TMCO4: variants seen among roughly 807,000 people sequenced by gnomAD.
TMCO4 encodes the protein transmembrane and coiled-coil domain-containing protein 4.
TMCO4 carries 58 observed loss-of-function variants against 64.7 expected under a neutral mutation model. That is an observed-to-expected ratio of 0.90 (90% CI 0.73 to 1.12). The LOEUF is 1.12. TMCO4 is among the 50% of genes most tolerant of loss of function. The pLI is 0.00. For synonymous variants in TMCO4, 325 were observed against 346.1 expected, an observed-to-expected ratio of 0.94 and a Z score of 0.68; for missense variants, 780 against 825.9, an observed-to-expected ratio of 0.94 and a Z score of 0.68.
rs116505181 is a variant in TMCO4 at position 19,721,996 on chromosome 1, T to C, written c.1264+15376A>G. On this transcript the variant is annotated intron_variant, in intron 13 of 15. Coordinates refer to ENST00000294543, the MANE Select transcript of TMCO4 (RefSeq NM_181719.7). ...CTTAACAGATTCTCTGGGCAGGGCT[T>C]GATGTTTCACAATTTACAAGCAACT... 5.3e-3 allele frequency among the ~76,000 whole-genome samples: 807 copies of C among 152,276 alleles called. 4 individuals are homozygous for C. Among genetic ancestry groups the C allele is most frequent in the African/African-American group, 0.018 (759 of 41,550 alleles).
rs940144642 is a variant in TMCO4, at chr1:19,755,559, G to A, written c.515+75C>T. ...ACTACACCATCTCTTAAAGGGAGAA[G>A]GGGACTCTGTTATCTGCAAAGTACA... On this transcript the variant is annotated intron_variant, in intron 7 of 15. Coordinates refer to ENST00000294543, the MANE Select transcript of TMCO4 (RefSeq NM_181719.7). 4.4e-6 allele frequency: 7 copies of A among 1,585,340 alleles called. No homozygotes were observed. In the African/African-American group the frequency reaches 8.1e-5, roughly 18 times the overall value.
chr1:19,734,331 G>A lies in TMCO4; in HGVS notation c.1264+3041C>T, dbSNP rs1393701525. On this transcript the variant is annotated intron_variant, in intron 13 of 15. Transcript: ENST00000294543. This position sits in a 1 kb window ranked among gnomAD's most constrained non-coding sequence, Gnocchi z 4.4. ...GCATTAGAGGCCCTTGGGGTCTGCC[G>A]AGTTGCTGCCGTGTGAGTGTGTGCA... Among the ~76,000 whole-genome samples the A allele has an allele frequency of 2.6e-5, 4 of 151,990 alleles. No individual in the cohort carries two copies. The highest frequency in any genetic ancestry group is 4.4e-5 in the Non-Finnish European group (3 of 68,024).
intron 14 of TMCO4, 124 bp downstream of exon 14, chr1:19,700,644 C>T (rs982687629): frequency 7.4e-6 from 7 of 942,834 alleles, no homozygotes; most frequent in African/African-American, 3.3e-5. Flanking sequence ...GGTGCCCGGC[C>T]GGTTCCTGGG....
Position 19,772,335 on chromosome 1 carries a change from A to G in TMCO4, c.180-853T>C, listed in dbSNP as rs187181161. On this transcript the variant is annotated intron_variant, in intron 4 of 15. Transcript: ENST00000294543. ...TTTCTGGAAAACGCTGGCTGCTGCA[A>G]AAGTGGAAGAAGTGAAGGGAAGAGT... 4.2e-3 allele frequency among the ~76,000 whole-genome samples: 632 copies of G among 152,288 alleles called. 7 individuals are homozygous for G. In the South Asian group the frequency reaches 0.045, roughly 11 times the overall value.
In TMCO4 at chr1:19,683,036, G is replaced by A. The variant is rs2095114305; in HGVS notation, c.*4C>T. The stretch of plus-strand genomic sequence containing the variant: ...GGGAAGACGGCTCAGGTCCCCTGCT[G>A]TGGTCAGTCCAGCCCCGTGCTGGGG... On this transcript the variant is annotated 3_prime_UTR_variant, in exon 16 of 16. Transcript: ENST00000294543. 2 of 1,555,692 alleles carry A rather than the reference G, an allele frequency of 1.3e-6. No individual in the cohort carries two copies. The highest frequency in any genetic ancestry group is 4.0e-5 in the Admixed American group (2 of 49,734).
At chr1:19,704,657 C>A (rs772052804) in intron 13 of TMCO4, among the ~76,000 whole-genome samples, 5 of 152,248 alleles carry the variant, frequency 3.3e-5, no homozygotes, top group African/African-American at 1.2e-4. Context: ...AGAGTCTGCC[C>A]TGCTAAGAGC....
intron 15 of TMCO4, among the ~76,000 whole-genome samples, chr1:19,686,650 G>A (rs1016438815): frequency 2.6e-4 from 40 of 152,312 alleles, no homozygotes; most frequent in African/African-American, 9.4e-4. Flanking sequence ...CAGGGTGGTT[G>A]TCAAGGCACA....
intron 2 of TMCO4, among the ~76,000 whole-genome samples, chr1:19,796,147 T>C (rs2044295934): frequency 1.3e-5 from 2 of 152,212 alleles, no homozygotes; most frequent in African/African-American, 2.4e-5. Context: ...AACAACCTTA[T>C]GAAGAAGAGA....
intron 13 of TMCO4, among the ~76,000 whole-genome samples, chr1:19,715,059 T>A (rs1056804625): frequency 6.6e-6 from 1 of 152,048 alleles, no homozygotes; most frequent in Non-Finnish European, 1.5e-5. Flanking sequence ...CTGGGCAATG[T>A]AGGAAGTCCC....
chr1:19,757,320 CT>C (rs2042308091), intron 6 of TMCO4, among the ~76,000 whole-genome samples: 1 of 152,176 alleles, frequency 6.6e-6, no homozygotes, highest in Non-Finnish European at 1.5e-5. Flanking sequence ...TTTTCCCAGC[CT>C]GCTTTCCTTG....
chr1:19,689,499 G>GT (rs1557449632), intron 15 of TMCO4, among the ~76,000 whole-genome samples: 1 of 152,116 alleles, frequency 6.6e-6, no homozygotes, highest in Non-Finnish European at 1.5e-5. Flanking sequence ...GAAGTTAGGC[G>GT]TTTCCACCAT....
At chr1:19,742,374 G>A (rs1021411856) in intron 10 of TMCO4, among the ~76,000 whole-genome samples, 2 of 152,222 alleles carry the variant, frequency 1.3e-5, no homozygotes, top group Non-Finnish European at 2.9e-5. Context: ...ATGTGGGAAT[G>A]GAGGGGTGGA....
chr1:19,702,500 C>A (rs948067875), intron 13 of TMCO4, among the ~76,000 whole-genome samples: 1 of 152,068 alleles, frequency 6.6e-6, no homozygotes, highest in Non-Finnish European at 1.5e-5. Context: ...GAGGCTGAGG[C>A]GCGAAAATTG....
chr1:19,719,803 G>A (rs1278657585), intron 13 of TMCO4, among the ~76,000 whole-genome samples: 1 of 152,032 alleles, frequency 6.6e-6, no homozygotes, highest in African/African-American at 2.4e-5. Context: ...GACCAGCCTG[G>A]CTAACATGGC....
rs554202425 is a variant in TMCO4 at position 19,700,804 on chromosome 1, T to G, written c.1346A>C (p.Lys449Thr). ...GTTGATGATCCTCCCGGACACCACC[T>G]TCCGGAAAGGCTCCCAATGCTTGGC... The part of the protein sequence containing the change: ...GEAKHWEPFR[K>T]VVSGRIINGY... Residue 449 changes from lysine to threonine, a missense_variant, in exon 14 of 16, where the codon AAG becomes ACG. Lys to Thr is a moderately conservative substitution (Grantham distance 78, BLOSUM62 -1). Transcript: ENST00000294543. 26 of 1,614,232 alleles carry G rather than the reference T, an allele frequency of 1.6e-5. No individual in the cohort carries two copies. The African/African-American group carries it at 2.9e-4, about 18-fold the overall frequency.
chr1:19,770,321 C>T (rs1264656738), intron 6 of TMCO4, among the ~76,000 whole-genome samples: 2 of 152,140 alleles, frequency 1.3e-5, no homozygotes, highest in Non-Finnish European at 2.9e-5. Flanking sequence ...AAACCATAGG[C>T]CTATTGTGAG....
chr1:19,768,093 C>CA (rs35417457), intron 6 of TMCO4, among the ~76,000 whole-genome samples: 12,749 of 89,034 alleles, frequency 0.14, 1,704 homozygotes, highest in African/African-American at 0.36. Context: ...AACTTCATCT[C>CA]AAAAAAAAAA....
intron 13 of TMCO4, among the ~76,000 whole-genome samples, chr1:19,730,254 C>T (rs2095424874): frequency 6.6e-6 from 1 of 152,190 alleles, no homozygotes. Context: ...CATTCTGTCT[C>T]CTACTGAGGA....
intron 15 of TMCO4, among the ~76,000 whole-genome samples, chr1:19,686,830 G>A (rs552927319): frequency 6.6e-6 from 1 of 152,244 alleles, no homozygotes; most frequent in African/African-American, 2.4e-5. Context: ...TCTGTAAAAT[G>A]AGAGTCATGA....
Sources: gnomAD v4.1 joint callset for allele counts (sites outside exome capture counted in the v4.1 genomes callset) on GRCh38, gnomAD v4.1.1 for gene constraint, Gnocchi (gnomAD v3.1) non-coding constraint, MANE v1.5 for transcripts, NCBI Gene and HGNC (gene_info 2026-07-23, HGNC 2026-07-21) for gene names.